The following SLC38A6 variants were observed in gnomAD, a reference collection of about 807,000 sequenced individuals.
SLC38A6 encodes the protein solute carrier family 38 member 6, also known as N system amino acid transporter NAT-1.
Under a neutral mutation model 65.0 loss-of-function variants are expected in SLC38A6, and 73 were observed. The ratio of observed to expected loss-of-function variants is 1.12; its 90% CI spans 0.93 to 1.37. The LOEUF is 1.37. SLC38A6 is among the 40% of genes most tolerant of loss of function. The probability of loss-of-function intolerance (pLI) is 0.00; values close to 1 mark genes in which losing one functional copy is unlikely to be tolerated. For synonymous variants in SLC38A6, 183 were observed against 178.8 expected (o/e 1.02, Z -0.19); for missense variants, 561 against 531.1 (o/e 1.06, Z -0.55).
intron 3 of SLC38A6, among the ~76,000 whole-genome samples, chr14:61,009,349 A>G (rs2039378645): frequency 6.6e-6 from 1 of 152,120 alleles, no homozygotes; most frequent in African/African-American, 2.4e-5. Flanking sequence ...TTTACCTTAT[A>G]TTGATTAGAA....
At chr14:61,035,347 T>C (rs2041283073) in intron 6 of SLC38A6, among the ~76,000 whole-genome samples, 2 of 152,174 alleles carry the variant, frequency 1.3e-5, no homozygotes, top group South Asian at 2.1e-4. Context: ...TTAATAATTA[T>C]ATTTATATCA....
At chr14:60,984,886 C>A in intron 3 of SLC38A6, 83 bp downstream of exon 3, 5 of 1,283,306 alleles carry the variant, frequency 3.9e-6, no homozygotes, top group Non-Finnish European at 4.5e-6. Flanking sequence ...TGTCTCAAAT[C>A]TAATATCCAG....
At chr14:61,032,294 G>A (rs1010051188) in intron 6 of SLC38A6, among the ~76,000 whole-genome samples, 1 of 151,356 alleles carries the variant, frequency 6.6e-6, no homozygotes, top group African/African-American at 2.4e-5. Flanking sequence ...GAAAGAGGAG[G>A]GATTAGAAAT....
intron 15 of SLC38A6, among the ~76,000 whole-genome samples, chr14:61,068,281 C>G (rs1474919441): frequency 6.6e-6 from 1 of 152,134 alleles, no homozygotes; most frequent in Admixed American, 6.5e-5. Flanking sequence ...TCCATTCCTG[C>G]TACCTACAGT....
At position 61,019,597 on chromosome 14, in the gene SLC38A6, GC is replaced by G; in HGVS notation, c.403+18del. ...ATATTGGAGGTAAGCAATTGCAAGT[GC>G]ACTGTTTATACATAAATGTGATGGC... On this transcript the variant is annotated intron_variant, in intron 5 of 15. Transcript: ENST00000267488. 6 of 1,611,490 alleles carry G rather than the reference GC, an allele frequency of 3.7e-6. No homozygotes were observed. Among genetic ancestry groups the G allele is most frequent in the Non-Finnish European group, 5.1e-6 (6 of 1,177,836 alleles).
chr14:61,060,966 C>T (rs7155166), intron 15 of SLC38A6, among the ~76,000 whole-genome samples: 1,531 of 151,124 alleles, frequency 0.01, 23 homozygotes, highest in African/African-American at 0.03. Flanking sequence ...GGCAATGCCT[C>T]GACCTGCTTC....
intron 3 of SLC38A6, among the ~76,000 whole-genome samples, chr14:60,996,073 A>C (rs146486677): frequency 8.9e-4 from 135 of 152,342 alleles, no homozygotes; most frequent in Non-Finnish European, 1.7e-3. Flanking sequence ...ATTGTAACAA[A>C]TGTACCACTC....
chr14:61,023,195 T>G (rs1466591805), intron 5 of SLC38A6, among the ~76,000 whole-genome samples: 3 of 152,162 alleles, frequency 2.0e-5, no homozygotes, highest in Non-Finnish European at 4.4e-5. Flanking sequence ...TAGAATGACT[T>G]CTAGTTTAGA....
At chr14:61,013,280 C>G (rs1005339121) in intron 3 of SLC38A6, among the ~76,000 whole-genome samples, 5 of 152,150 alleles carry the variant, frequency 3.3e-5, no homozygotes, top group African/African-American at 7.2e-5. Flanking sequence ...ATGTGTGTCT[C>G]TGCACATGAG....
In SLC38A6 at chr14:61,016,112, A is replaced by G. The variant is rs1278057995; in HGVS notation, c.363+156A>G. ...AGAGAATGATAGGAGCAGGCAAAGA[A>G]AGAGAAGTCTTTGTGTCCTTCCTAA... On this transcript the variant is annotated intron_variant, in intron 4 of 15. Transcript: ENST00000267488. 2.0e-5 allele frequency among the ~76,000 whole-genome samples: 3 copies of G among 152,188 alleles called. No individual in the cohort carries two copies. In the East Asian group the frequency reaches 5.8e-4, roughly 29 times the overall value.
chr14:60,984,895 A>G (rs2037339887), intron 3 of SLC38A6, 92 bp downstream of exon 3: 1 of 1,203,732 alleles, frequency 8.3e-7, no homozygotes. Flanking sequence ...TCTAATATCC[A>G]GTGAGCATAC....
chr14:61,079,285 C>A (rs376554616), intron 16 of SLC38A6, among the ~76,000 whole-genome samples: 8 of 151,786 alleles, frequency 5.3e-5, no homozygotes, highest in African/African-American at 1.9e-4. Flanking sequence ...TACAGGCACA[C>A]ACTACTACAC....
intron 15 of SLC38A6, among the ~76,000 whole-genome samples, chr14:61,062,831 C>T (rs368283037): frequency 6.6e-6 from 1 of 152,160 alleles, no homozygotes; most frequent in African/African-American, 2.4e-5. Context: ...CAGGCGCACG[C>T]CACCACACCC....
chr14:61,068,715 T>C (rs2043114542), intron 15 of SLC38A6, among the ~76,000 whole-genome samples: 1 of 152,176 alleles, frequency 6.6e-6, no homozygotes. Context: ...CTGCTGGAAA[T>C]CTTGTTTATG....
chr14:61,014,771 G>A (rs113276091), intron 3 of SLC38A6, among the ~76,000 whole-genome samples: 3 of 152,192 alleles, frequency 2.0e-5, no homozygotes, highest in South Asian at 2.1e-4. Context: ...GTACCCGGCC[G>A]TGTGAGGTGT....
rs1043240727 is a variant in SLC38A6, at chr14:61,019,561, A to G, written c.384A>G (p.Ile128Met). Residue 128 changes from isoleucine to methionine, a missense_variant, in exon 5 of 16, where the codon ATA (isoleucine) becomes ATG (methionine). Transcript: ENST00000267488. ...TACAGTTGGTGGTGGCAGGCACCAT[A>G]ATAATTCAGAATATTGGAGGTAAGC... ...LPGKLVVAGT[I>M]IIQNIGAMSS... is the part of the protein sequence containing the mutation. 1 of 1,613,416 alleles carries G rather than the reference A, an allele frequency of 6.2e-7. No individual in the cohort carries two copies. Among genetic ancestry groups the G allele is most frequent in the South Asian group, 1.1e-5 (1 of 91,046 alleles).
chr14:61,010,954 A>G (rs1294972470), intron 3 of SLC38A6, among the ~76,000 whole-genome samples: 1 of 152,148 alleles, frequency 6.6e-6, no homozygotes, highest in Admixed American at 6.5e-5. Context: ...ATGGCATTGA[A>G]TCTATAAATT....
At chr14:61,007,396 A>G (rs1264415300) in intron 3 of SLC38A6, among the ~76,000 whole-genome samples, 4 of 152,178 alleles carry the variant, frequency 2.6e-5, no homozygotes, top group Admixed American at 6.6e-5. Flanking sequence ...TTGTGAGGCC[A>G]AGGTAGGAGG....
downstream of SLC38A6, among the ~76,000 whole-genome samples, chr14:61,055,106 C>CTTTTTTTTTTTTTTTTTTTTTTTTTTT (rs1280245361): frequency 1.6e-5 from 1 of 63,282 alleles, no homozygotes; most frequent in Non-Finnish European, 2.9e-5. Context: ...AAGTCTTTTT[C>CTTTTTTTTTTTTTTTTTTTTTTTTTTT]TTTTTTTTTT....
Sources: gnomAD v4.1 joint callset for allele counts (sites outside exome capture counted in the v4.1 genomes callset) on GRCh38, gnomAD v4.1.1 for gene constraint, MANE v1.5 for transcripts, NCBI Gene and HGNC (gene_info 2026-07-23, HGNC 2026-07-21) for gene names.